The following FRMD4A variants were observed in gnomAD, a reference collection of about 807,000 sequenced individuals.
FRMD4A encodes the protein FERM domain containing 4A.
Under a neutral mutation model 129.1 loss-of-function variants are expected in FRMD4A, and 29 were observed. The observed-to-expected ratio is 0.22, with a 90% confidence interval of 0.17 to 0.31. The LOEUF is 0.31. Among genes scored for constraint, FRMD4A ranks in the 10% least tolerant of loss-of-function variants. The pLI is 1.00. For synonymous variants in FRMD4A, 634 were observed against 571.6 expected, an observed-to-expected ratio of 1.11 and a Z score of -1.56; for missense variants, 1,272 against 1,375.8, an observed-to-expected ratio of 0.92 and a Z score of 1.19.
At chr10:13,923,607 T>C (rs562094187) in intron 2 of FRMD4A, among the ~76,000 whole-genome samples, 93 of 152,380 alleles carry the variant, frequency 6.1e-4, no homozygotes, top group African/African-American at 2.0e-3. Context: ...TCATCACTTT[T>C]TTTAAAGAAC....
At chr10:14,084,228 C>G (rs1836112437) in intron 2 of FRMD4A, among the ~76,000 whole-genome samples, 1 of 152,170 alleles carries the variant, frequency 6.6e-6, no homozygotes, top group South Asian at 2.1e-4. Flanking sequence ...CTCACTGCAA[C>G]CTCCGCCTCC....
intron 2 of FRMD4A, among the ~76,000 whole-genome samples, chr10:14,215,961 A>G (rs1171683803): frequency 6.9e-6 from 1 of 145,384 alleles, no homozygotes; most frequent in Admixed American, 6.8e-5. Context: ...TGGAAGGAAT[A>G]AAAAAAAAAC....
intron 2 of FRMD4A, among the ~76,000 whole-genome samples, chr10:14,282,346 T>G (rs1845548149): frequency 6.6e-6 from 1 of 152,162 alleles, no homozygotes; most frequent in African/African-American, 2.4e-5. Flanking sequence ...AGTTTCACAG[T>G]TTACTAAGTC....
At chr10:13,932,510 C>T (rs973272956) in intron 2 of FRMD4A, among the ~76,000 whole-genome samples, 6 of 152,086 alleles carry the variant, frequency 3.9e-5, no homozygotes, top group Non-Finnish European at 8.8e-5. Flanking sequence ...CTTGCTCCTC[C>T]TAGGAGTCTC....
intron 2 of FRMD4A, among the ~76,000 whole-genome samples, chr10:13,876,831 C>T (rs1018224393): frequency 4.0e-4 from 61 of 151,284 alleles, no homozygotes; most frequent in Non-Finnish European, 8.7e-4. Context: ...ATTTAAATAG[C>T]ATATATCTTT....
chr10:14,237,615 G>C (rs112921154), intron 2 of FRMD4A, among the ~76,000 whole-genome samples: 142 of 152,312 alleles, frequency 9.3e-4, no homozygotes, highest in African/African-American at 3.1e-3. Flanking sequence ...ACAGACGTGA[G>C]CCACTGCACC....
intron 2 of FRMD4A, among the ~76,000 whole-genome samples, chr10:13,887,320 C>T (rs2094635130): frequency 6.6e-6 from 1 of 152,192 alleles, no homozygotes; most frequent in South Asian, 2.1e-4. Flanking sequence ...GCAGTGACTT[C>T]CATCTTCAAG....
chr10:13,853,840 A>AC (rs1193197439), intron 3 of FRMD4A, among the ~76,000 whole-genome samples: 4 of 151,542 alleles, frequency 2.6e-5, no homozygotes, highest in African/African-American at 7.3e-5. Flanking sequence ...AAAAAAAAAA[A>AC]AAAAAAAAAA....
intron 2 of FRMD4A, among the ~76,000 whole-genome samples, chr10:14,177,483 C>T (rs1168501740): frequency 6.6e-6 from 1 of 151,972 alleles, no homozygotes; most frequent in African/African-American, 2.4e-5. Flanking sequence ...CCAATCATGT[C>T]CCCTTCTCAA....
At chr10:13,665,292 T>A (rs969899959) in intron 18 of FRMD4A, among the ~76,000 whole-genome samples, 1 of 152,012 alleles carries the variant, frequency 6.6e-6, no homozygotes, top group Non-Finnish European at 1.5e-5. Context: ...AGACTGAAAC[T>A]CGGTATCTAT....
intron 16 of FRMD4A, among the ~76,000 whole-genome samples, chr10:13,674,500 T>C (rs2083799648): frequency 6.6e-6 from 1 of 152,236 alleles, no homozygotes; most frequent in South Asian, 2.1e-4. Context: ...TTAGGGACTT[T>C]TTCTTTTGTT....
intron 2 of FRMD4A, among the ~76,000 whole-genome samples, chr10:14,054,582 G>A (rs1412393202): frequency 5.3e-5 from 8 of 152,166 alleles, no homozygotes; most frequent in Admixed American, 5.2e-4. Flanking sequence ...TACCTGGGCA[G>A]TGTCCACTGA....
intron 2 of FRMD4A, among the ~76,000 whole-genome samples, chr10:14,145,807 A>C (rs914452243): frequency 6.6e-6 from 1 of 152,174 alleles, no homozygotes; most frequent in African/African-American, 2.4e-5. Flanking sequence ...GAAACTGACC[A>C]AAAACACTGG....
At chr10:13,865,195 C>T (rs967514986) in intron 2 of FRMD4A, among the ~76,000 whole-genome samples, 10 of 152,038 alleles carry the variant, frequency 6.6e-5, no homozygotes, top group Non-Finnish European at 4.4e-5. Context: ...GATAAAATAG[C>T]GTCTACCTCT....
chr10:13,877,340 T>A lies in FRMD4A; in HGVS notation c.46-18428A>T, dbSNP rs77968845. On this transcript the variant is annotated intron_variant, in intron 2 of 24. Transcript: ENST00000357447. ...TAAATCCAAGGTCCACATGCTCAGA[T>A]GCCAAGTCCTGCCACGTTTAGCAGG... 7.5e-4 allele frequency among the ~76,000 whole-genome samples: 114 copies of A among 152,266 alleles called. 1 individual carries two copies. In the East Asian group the frequency reaches 0.02, roughly 27 times the overall value.
chr10:13,913,293 G>T (rs1291163681), intron 2 of FRMD4A, among the ~76,000 whole-genome samples: 2 of 152,184 alleles, frequency 1.3e-5, no homozygotes. Context: ...TGGAGTTAAT[G>T]TGTGTGGGGA....
At chr10:14,158,235 C>G (rs986661321) in intron 2 of FRMD4A, among the ~76,000 whole-genome samples, 77 of 152,240 alleles carry the variant, frequency 5.1e-4, no homozygotes, top group African/African-American at 1.8e-3. Context: ...GCAGCTCTAC[C>G]AGTAAGAAAT....
chr10:13,703,012 GTC>G (rs1199548358), intron 13 of FRMD4A, among the ~76,000 whole-genome samples: 1 of 151,866 alleles, frequency 6.6e-6, no homozygotes, highest in African/African-American at 2.4e-5. Context: ...TCCCTCGCCA[GTC>G]TCTCTAAATT....
chr10:14,121,298 G>A (rs1302840594), intron 2 of FRMD4A, among the ~76,000 whole-genome samples: 2 of 152,212 alleles, frequency 1.3e-5, no homozygotes, highest in Non-Finnish European at 2.9e-5. Context: ...AACCTGGGAG[G>A]CGGAGATTGC....
Sources: allele counts gnomAD v4.1 joint callset (sites outside exome capture counted in the v4.1 genomes callset), GRCh38; gene constraint gnomAD v4.1.1; transcripts MANE v1.5; gene names NCBI Gene and HGNC (gene_info 2026-07-23, HGNC 2026-07-21).